ADAMTS19: variants seen among roughly 807,000 people sequenced by gnomAD.
ADAMTS19 encodes the protein ADAM metallopeptidase with thrombospondin type 1 motif 19.
Under a neutral mutation model 153.3 loss-of-function variants are expected in ADAMTS19, and 93 were observed. The observed-to-expected ratio is 0.61, with a 90% confidence interval of 0.51 to 0.72. ADAMTS19 has a LOEUF of 0.72. ADAMTS19 is among the 30% of genes least tolerant of loss of function. ADAMTS19 has a pLI of 0.00. For missense variants in ADAMTS19, 1,482 were observed against 1,552.1 expected, an observed-to-expected ratio of 0.95 and a Z score of 0.76; for synonymous variants, 600 against 556.6, an observed-to-expected ratio of 1.08 and a Z score of -1.10.
At chr5:129,636,240 C>A (rs1404517480) in intron 10 of ADAMTS19, among the ~76,000 whole-genome samples, 1 of 152,152 alleles carries the variant, frequency 6.6e-6, no homozygotes, top group Non-Finnish European at 1.5e-5. Context: ...TTGGTTCACT[C>A]TCCAGAGACT....
chr5:129,510,245 G>A (rs1751394834), intron 3 of ADAMTS19, among the ~76,000 whole-genome samples: 1 of 151,790 alleles, frequency 6.6e-6, no homozygotes, highest in Non-Finnish European at 1.5e-5. Flanking sequence ...AATCACATTT[G>A]TAGAGACCAG....
At chr5:129,474,125 C>G in intron 2 of ADAMTS19, among the ~76,000 whole-genome samples, 1 of 152,040 alleles carries the variant, frequency 6.6e-6, no homozygotes, top group Non-Finnish European at 1.5e-5. Context: ...ATAGATTTGT[C>G]TTTCATATAA....
chr5:129,692,041 G>C (rs1755362281), intron 18 of ADAMTS19, among the ~76,000 whole-genome samples: 1 of 152,014 alleles, frequency 6.6e-6, no homozygotes, highest in Non-Finnish European at 1.5e-5. Flanking sequence ...AATGAATTTA[G>C]GCAACTGCAT....
intron 14 of ADAMTS19, among the ~76,000 whole-genome samples, chr5:129,656,633 A>T (rs1753558744): frequency 6.6e-6 from 1 of 152,236 alleles, no homozygotes; most frequent in African/African-American, 2.4e-5. Context: ...TTCATCTTCA[A>T]CTTTTGGATT....
intron 8 of ADAMTS19, among the ~76,000 whole-genome samples, chr5:129,612,434 C>G (rs1234261155): frequency 6.6e-6 from 1 of 151,908 alleles, no homozygotes; most frequent in African/African-American, 2.4e-5. Context: ...CATATCCAGC[C>G]AAACTAAGCT....
At chr5:129,669,088 G>GTATGTATATATATATATATATATATA (rs1554104449) in intron 16 of ADAMTS19, among the ~76,000 whole-genome samples, 1 of 149,038 alleles carries the variant, frequency 6.7e-6, no homozygotes, top group Non-Finnish European at 1.5e-5. Context: ...ATATATATGT[G>GTATGTATATATATATATATATATATA]TATATATATA....
intron 2 of ADAMTS19, among the ~76,000 whole-genome samples, chr5:129,489,355 T>C (rs1224423824): frequency 6.6e-6 from 1 of 152,120 alleles, no homozygotes; most frequent in Non-Finnish European, 1.5e-5. Context: ...TATTATTGCT[T>C]TAAAGACATA....
chr5:129,606,592 T>G (rs1161973312), intron 8 of ADAMTS19, among the ~76,000 whole-genome samples: 1 of 152,216 alleles, frequency 6.6e-6, no homozygotes, highest in East Asian at 1.9e-4. Flanking sequence ...GGTCCTAACC[T>G]TCATGTCAGA....
intron 6 of ADAMTS19, among the ~76,000 whole-genome samples, chr5:129,544,487 C>T (rs886941552): frequency 2.0e-5 from 3 of 152,028 alleles, no homozygotes; most frequent in Non-Finnish European, 4.4e-5. Flanking sequence ...AGATTAAGTC[C>T]AGTTCTTTTA....
rs116137304 is a variant in ADAMTS19 at position 129,589,844 on chromosome 5, G to A, written c.1373-6715G>A. On this transcript the variant is annotated intron_variant, in intron 7 of 22. Coordinates refer to ENST00000274487, the MANE Select transcript of ADAMTS19 (RefSeq NM_133638.6). ...ACTTCATGCTTGCTGAGGTGATAAA[G>A]TGTCTTATCATAGTCATATTTCATT... 4.1e-3 allele frequency among the ~76,000 whole-genome samples: 629 copies of A among 152,190 alleles called. 5 individuals carry two copies. The highest frequency in any genetic ancestry group is 0.015 in the African/African-American group (607 of 41,554).
intron 2 of ADAMTS19, among the ~76,000 whole-genome samples, chr5:129,499,393 A>G (rs973615777): frequency 6.6e-6 from 1 of 152,090 alleles, no homozygotes; most frequent in Non-Finnish European, 1.5e-5. Flanking sequence ...AGTCTTCACC[A>G]CTTCCTTTTT....
At chr5:129,708,342 TC>T (rs1375475754) in intron 21 of ADAMTS19, among the ~76,000 whole-genome samples, 1 of 152,088 alleles carries the variant, frequency 6.6e-6, no homozygotes, top group African/African-American at 2.4e-5. Context: ...TGACTATATC[TC>T]TCTCTGCTAT....
intron 19 of ADAMTS19, among the ~76,000 whole-genome samples, chr5:129,698,071 G>A (rs557960555): frequency 1.9e-4 from 29 of 152,218 alleles, no homozygotes; most frequent in Middle Eastern, 6.8e-3. Flanking sequence ...GGAGAAAAAC[G>A]TCTCAATAAT....
intron 2 of ADAMTS19, among the ~76,000 whole-genome samples, chr5:129,465,309 T>G (rs969660818): frequency 1.3e-5 from 2 of 151,132 alleles, no homozygotes; most frequent in Admixed American, 6.6e-5. Flanking sequence ...ACACAATGTT[T>G]TTTTTTTTTT....
chr5:129,603,616 G>T (rs191555849), intron 8 of ADAMTS19, among the ~76,000 whole-genome samples: 2 of 152,012 alleles, frequency 1.3e-5, no homozygotes, highest in Non-Finnish European at 2.9e-5. Context: ...TAAATTATCT[G>T]GGAAATAATA....
intron 8 of ADAMTS19, among the ~76,000 whole-genome samples, chr5:129,613,829 C>T (rs1751360133): frequency 6.6e-6 from 1 of 151,950 alleles, no homozygotes; most frequent in African/African-American, 2.4e-5. Context: ...ATCAAATAGA[C>T]CCAATAAAAA....
chr5:129,685,008 A>C (rs1207789077), intron 18 of ADAMTS19, among the ~76,000 whole-genome samples: 2 of 151,776 alleles, frequency 1.3e-5, no homozygotes, highest in Non-Finnish European at 2.9e-5. Context: ...GAAAAGAAAA[A>C]AAAAAAGAAG....
chr5:129,580,221 G>T (rs1340825483), intron 7 of ADAMTS19, among the ~76,000 whole-genome samples: 3 of 152,144 alleles, frequency 2.0e-5, no homozygotes, highest in Non-Finnish European at 2.9e-5. Context: ...GTTCACTCAT[G>T]ATTTGGCTTT....
intron 18 of ADAMTS19, among the ~76,000 whole-genome samples, chr5:129,689,619 G>T (rs1049628306): frequency 6.6e-6 from 1 of 152,024 alleles, no homozygotes; most frequent in Non-Finnish European, 1.5e-5. Context: ...TAGAGACTGG[G>T]TTTCACCATG....
Sources: allele counts gnomAD v4.1 joint callset (sites outside exome capture counted in the v4.1 genomes callset), GRCh38; gene constraint gnomAD v4.1.1; transcripts MANE v1.5; gene names NCBI Gene and HGNC (gene_info 2026-07-23, HGNC 2026-07-21).